RNF213: variants seen among roughly 807,000 people sequenced by gnomAD.
The protein encoded by RNF213 is ring finger protein 213.
RNF213 carries 341 observed loss-of-function variants against 514.4 expected under a neutral mutation model. That is an observed-to-expected ratio of 0.66 (90% CI 0.61 to 0.73). RNF213 has a LOEUF of 0.73. Among genes scored for constraint, RNF213 ranks in the 30% least tolerant of loss-of-function variants. RNF213 has a pLI of 0.00. For synonymous variants in RNF213, 2,655 were observed against 2,658.2 expected (o/e 1.00, Z 0.04); for missense variants, 5,767 against 6,615.6 (o/e 0.87, Z 4.45).
At chr17:80,287,778 T>A in intron 3 of RNF213, 37 bp from the exon 4 acceptor site, 1 of 1,605,302 alleles carries the variant, frequency 6.2e-7, no homozygotes, top group South Asian at 1.1e-5. Context: ...GTAGAGTAAA[T>A]CTAAGAAATA....
Position 80,290,816 on chromosome 17 carries a change from T to G in RNF213, c.1271+88T>G, listed in dbSNP as rs2044696341. 4.7e-6 allele frequency: 7 copies of G among 1,503,954 alleles called. 1 individual carries two copies. Among genetic ancestry groups the G allele is most frequent in the South Asian group, 3.6e-5 (3 of 84,404 alleles). The allele number at this position is 1,503,954 out of a possible 1,614,324, so 93.2% of individuals were successfully genotyped here. A position where few individuals can be genotyped will look rare whatever the true frequency, so the allele number is the denominator to read the frequency against. ...ACACGTAGTTTAAAAAAATTTTGTTTTTTTTTTTTCTGAGACGGAGTCTTG... is the reference window on the plus strand; with the variant it reads ...ACACGTAGTTTAAAAAAATTTTGTTGTTTTTTTTTCTGAGACGGAGTCTTG... On this transcript the variant is annotated intron_variant, in intron 7 of 67. Transcript: ENST00000582970.
chr17:80,356,564 CG>C (rs983161291), intron 36 of RNF213, among the ~76,000 whole-genome samples: 6 of 152,246 alleles, frequency 3.9e-5, no homozygotes. Context: ...TTTGCCCTCT[CG>C]GGATTAAACA....
In RNF213 at chr17:80,322,595, C is replaced by T. The variant is rs186191445; in HGVS notation, c.3025-2435C>T. Reference sequence around the variant, plus strand: ...TGTCTCAAAAAAAAAAATTTTTTTTCGTAGAGACAGGGTCTTGAGATGTTG... The same window carrying T: ...TGTCTCAAAAAAAAAAATTTTTTTTTGTAGAGACAGGGTCTTGAGATGTTG... On this transcript the variant is annotated intron_variant, in intron 17 of 67. Transcript: ENST00000582970. 5.4e-3 allele frequency among the ~76,000 whole-genome samples: 826 copies of T among 151,886 alleles called. 3 individuals are homozygous for T. The highest frequency in any genetic ancestry group is 8.2e-3 in the Non-Finnish European group (554 of 67,942).
At chr17:80,380,684 G>A in intron 55 of RNF213, 147 bp from the exon 56 acceptor site, 1 of 955,220 alleles carries the variant, frequency 1.0e-6, no homozygotes, top group South Asian at 1.4e-5. Flanking sequence ...GAGACTCTTA[G>A]GAACATGGTC....
chr17:80,313,224 G>A, intron 15 of RNF213, 57 bp downstream of exon 15: 1 of 1,607,828 alleles, frequency 6.2e-7, no homozygotes, highest in Non-Finnish European at 8.5e-7. Context: ...GATTCCTCAT[G>A]GCCTCAAATC....
chr17:80,383,905 A>G lies in RNF213; in HGVS notation c.14299A>G (p.Ile4767Val), dbSNP rs146359814. Residue 4767 changes from isoleucine (I) to valine (V), a missense_variant, in exon 59 of 68, where the codon ATC becomes GTC. Physicochemically the swap from Ile to Val is conservative, Grantham distance 29. This residue lies in a region of RNF213 where 1,245 missense variants were observed against 1,339.0 expected (regional missense o/e 0.93). Coordinates refer to ENST00000582970, the MANE Select transcript of RNF213 (RefSeq NM_001256071.3). ...EQKNGKERVP[I>V]LWHFLQKEAE... ...GAAAAATGGCAAAGAAAGAGTGCCC[A>G]TCCTCTGGCATTTCCTGCAGAAGGT... 103 of 1,614,034 alleles carry G rather than the reference A, an allele frequency of 6.4e-5. No homozygotes were observed. The highest frequency in any genetic ancestry group is 8.5e-5 in the Non-Finnish European group (100 of 1,180,036).
intron 17 of RNF213, among the ~76,000 whole-genome samples, chr17:80,322,594 T>C (rs2046176510): frequency 6.6e-6 from 1 of 151,990 alleles, no homozygotes; most frequent in Non-Finnish European, 1.5e-5. Context: ...AAATTTTTTT[T>C]CGTAGAGACA....
In RNF213 at chr17:80,298,266, G is replaced by T. The variant is rs558948397; in HGVS notation, c.2013-55G>T. The T allele has an allele frequency of 7.6e-5, 120 of 1,588,508 alleles. 1 individual carries two copies. The South Asian group carries it at 1.3e-3, about 17-fold the overall frequency. The stretch of plus-strand genomic sequence containing the variant: ...TTCCTGTTGGGACTCCAGACTCCCA[G>T]GGAGATGACTCCCTGGCCAGCTCAG... On this transcript the variant is annotated intron_variant, in intron 10 of 67. Transcript: ENST00000582970.
Position 80,376,489 on chromosome 17 carries a change from G to C in RNF213, c.13374G>C (p.Gln4458His). The change falls in exon 52 of 68, where the codon CAG becomes CAC. Residue 4458 changes from glutamine (Q) to histidine (H), a missense_variant. Coordinates refer to ENST00000582970, the MANE Select transcript of RNF213 (RefSeq NM_001256071.3). ...IHAAAVLLCG[Q>H]NELLEPLKNL... ...CTGCAGCCGTCCTTCTGTGTGGACA[G>C]AATGAACTCTTGGAGCCCCTAAAGA... 1 of 1,614,174 alleles carries C rather than the reference G, an allele frequency of 6.2e-7. No homozygotes were observed.
chr17:80,358,840 C>T (rs561436947), intron 37 of RNF213, among the ~76,000 whole-genome samples: 15 of 152,086 alleles, frequency 9.9e-5, no homozygotes, highest in African/African-American at 1.9e-4. Context: ...ACCTGGGAGG[C>T]GGAGGTTGCA....
intron 17 of RNF213, chr17:80,319,646 GT>G: frequency 4.0e-6 from 6 of 1,503,308 alleles, no homozygotes; most frequent in Non-Finnish European, 4.4e-6. Context: ...TTGATTGATT[GT>G]TAACACTTGC....
At chr17:80,327,304 C>T (rs1018374691) in intron 18 of RNF213, among the ~76,000 whole-genome samples, 3 of 152,144 alleles carry the variant, frequency 2.0e-5, no homozygotes, top group African/African-American at 7.2e-5. Context: ...TTGAGACCAG[C>T]CTGGGCAACA....
intron 26 of RNF213, among the ~76,000 whole-genome samples, chr17:80,342,219 G>A (rs1015598206): frequency 3.5e-4 from 53 of 152,226 alleles, no homozygotes; most frequent in African/African-American, 1.2e-3. Flanking sequence ...TAGCTCGGGT[G>A]TGTGGTCGGC....
chr17:80,342,735 ATATATATATTGTATG>A (rs1225568561), intron 26 of RNF213, among the ~76,000 whole-genome samples: 46 of 145,520 alleles, frequency 3.2e-4, no homozygotes, highest in African/African-American at 8.0e-4. Flanking sequence ...TATATATATT[ATATATATATTGTATG>A]TATATATATA....
intron 6 of RNF213, 102 bp from the exon 7 acceptor site, chr17:80,290,468 T>TGC (rs2044673641): frequency 3.6e-6 from 5 of 1,380,462 alleles, no homozygotes; most frequent in Admixed American, 1.7e-5. Flanking sequence ...CATGTGTGTG[T>TGC]GCACGTGTGT....
chr17:80,393,353 A>T lies in RNF213; in HGVS notation c.15479A>T (p.Asp5160Val). The change falls in exon 68 of 68, where the codon GAC becomes GTC. Residue 5160 changes from aspartate to valine, a missense_variant. Physicochemically the swap from Asp to Val is radical, Grantham distance 152. Around this residue, in one of 13 missense-constraint regions of RNF213, gnomAD observed 1,245 missense variants for 1,339.0 expected, o/e 0.93. Transcript: ENST00000582970. Reference protein sequence around the residue: ...ERFRPQWSLRDTLVSYMQTKE... With the variant: ...ERFRPQWSLRVTLVSYMQTKE... ...CTTCTTTGGTTTTTCAGCCTGAGAG[A>T]CACTCTCGTAAGTTACATGCAAACT... is the stretch of plus-strand genomic sequence containing the variant. 1 of 1,614,008 alleles carries T rather than the reference A, an allele frequency of 6.2e-7. No homozygotes were observed.
intron 65 of RNF213, 87 bp from the exon 66 acceptor site, chr17:80,389,741 G>A (rs543709812): frequency 2.3e-5 from 25 of 1,085,892 alleles, no homozygotes; most frequent in Non-Finnish European, 3.5e-5. Context: ...GAATGCCTGT[G>A]TGGAGAGCAC....
In RNF213 at chr17:80,393,823, C is replaced by T. The variant is rs561647045; in HGVS notation, c.*325C>T. ...AGGAGACTTGTAGCTCAGCCACACA[C>T]GCAGTAATGACCTGTGCCCGTTCGC... On this transcript the variant is annotated 3_prime_UTR_variant, in exon 68 of 68. Transcript: ENST00000582970. The T allele has an allele frequency of 9.5e-5, 34 of 356,574 alleles. No homozygotes were observed. The highest frequency in any genetic ancestry group is 6.8e-4 in the East Asian group (10 of 14,680). The allele number at this position is 356,574 out of a possible 1,614,324, so 22.1% of individuals were successfully genotyped here. A position where few individuals can be genotyped will look rare whatever the true frequency, so the allele number is the denominator to read the frequency against.
At chr17:80,306,560 A>C in intron 12 of RNF213, 92 bp downstream of exon 12, 1 of 1,321,424 alleles carries the variant, frequency 7.6e-7, no homozygotes, top group Non-Finnish European at 1.1e-6. Context: ...ATTCCTAAAA[A>C]ACAGACAGTG....
Sources: allele counts gnomAD v4.1 joint callset (sites outside exome capture counted in the v4.1 genomes callset), GRCh38; gene constraint gnomAD v4.1.1; regional missense constraint gnomAD v4.1.1; transcripts MANE v1.5; gene names NCBI Gene and HGNC (gene_info 2026-07-23, HGNC 2026-07-21).